The following C6orf52 variants were observed in gnomAD, a reference collection of about 807,000 sequenced individuals.
The protein encoded by C6orf52 is putative uncharacterized protein C6orf52.
Under a neutral mutation model 16.6 loss-of-function variants are expected in C6orf52, and 16 were observed. That is an observed-to-expected ratio of 0.96 (90% CI 0.65 to 1.46). The LOEUF is 1.46. Among genes scored for constraint, C6orf52 ranks in the 40% most tolerant of loss-of-function variants. The pLI, the probability that C6orf52 is intolerant of heterozygous loss-of-function variation, is 0.00. For synonymous variants in C6orf52, 53 were observed against 61.4 expected, an observed-to-expected ratio of 0.86 and a Z score of 0.64; for missense variants, 166 against 182.3, an observed-to-expected ratio of 0.91 and a Z score of 0.52.
At chr6:10,694,254 C>T (rs1769636900) in intron 1 of C6orf52, among the ~76,000 whole-genome samples, 1 of 131,122 alleles carries the variant, frequency 7.6e-6, no homozygotes, top group Non-Finnish European at 1.5e-5. Flanking sequence ...GAGCGAAACT[C>T]CGTCTCAAAA....
intron 1 of C6orf52, among the ~76,000 whole-genome samples, chr6:10,689,975 T>C (rs138594957): frequency 1.3e-5 from 2 of 152,352 alleles, no homozygotes; most frequent in South Asian, 2.1e-4. Context: ...AAAATTTTTT[T>C]TCTCTCACTT....
At chr6:10,690,755 C>T (rs375140938) in intron 1 of C6orf52, among the ~76,000 whole-genome samples, 1 of 152,164 alleles carries the variant, frequency 6.6e-6, no homozygotes, top group South Asian at 2.1e-4. Flanking sequence ...TCCTCTCGTG[C>T]TTTAGTGTTT....
chr6:10,684,282 T>C (rs1396872824), intron 3 of C6orf52, among the ~76,000 whole-genome samples: 3 of 152,176 alleles, frequency 2.0e-5, no homozygotes, highest in African/African-American at 7.2e-5. Flanking sequence ...CACTCCAGCC[T>C]GGGCAAAAGA....
chr6:10,677,989 C>T (rs940410399), intron 4 of C6orf52, among the ~76,000 whole-genome samples: 7 of 151,530 alleles, frequency 4.6e-5, no homozygotes, highest in Non-Finnish European at 8.8e-5. Context: ...ACCAGCCTGG[C>T]CAACATGGAG....
intron 3 of C6orf52, among the ~76,000 whole-genome samples, chr6:10,684,154 C>T (rs1768650952): frequency 6.6e-6 from 1 of 152,224 alleles, no homozygotes; most frequent in East Asian, 1.9e-4. Context: ...TTAGATACGG[C>T]TAAGACCGCA....
chr6:10,676,868 C>T (rs753803712), intron 4 of C6orf52, among the ~76,000 whole-genome samples: 191 of 152,314 alleles, frequency 1.3e-3, no homozygotes, highest in Middle Eastern at 3.4e-3. Context: ...TGTCCTTATT[C>T]CTCCTGGTGC....
chr6:10,680,235 G>A (rs1161530476), intron 4 of C6orf52, among the ~76,000 whole-genome samples: 2 of 152,002 alleles, frequency 1.3e-5, no homozygotes, highest in East Asian at 3.9e-4. Context: ...GGGTGACAGA[G>A]TGAGACCCTA....
intron 4 of C6orf52, among the ~76,000 whole-genome samples, chr6:10,675,516 C>T (rs1000403623): frequency 8.9e-4 from 135 of 152,286 alleles, no homozygotes; most frequent in African/African-American, 3.0e-3. Context: ...CTTTGACATA[C>T]TGATTTCATT....
chr6:10,675,137 CCTAG>C (rs1232607678), intron 4 of C6orf52, among the ~76,000 whole-genome samples: 1 of 152,076 alleles, frequency 6.6e-6, no homozygotes, highest in Non-Finnish European at 1.5e-5. Context: ...CGGTATTCCT[CCTAG>C]CTAACTGAAA....
At chr6:10,680,031 T>C (rs2127464193) in intron 4 of C6orf52, among the ~76,000 whole-genome samples, 2 of 152,336 alleles carry the variant, frequency 1.3e-5, no homozygotes, top group South Asian at 4.1e-4. Context: ...GGCAGGCAGA[T>C]CACCTGAGCT....
At chr6:10,681,726 G>C (rs1357597824) in intron 4 of C6orf52, among the ~76,000 whole-genome samples, 1 of 152,228 alleles carries the variant, frequency 6.6e-6, no homozygotes, top group Admixed American at 6.5e-5. Context: ...AGAGCTAGTA[G>C]GTAGAATCTG....
chr6:10,676,758 C>T (rs920341783), intron 4 of C6orf52, among the ~76,000 whole-genome samples: 1 of 152,182 alleles, frequency 6.6e-6, no homozygotes, highest in African/African-American at 2.4e-5. Flanking sequence ...GCCTACTTTT[C>T]CTTTTCGGAG....
Position 10,687,095 on chromosome 6 carries a change from A to AT in C6orf52, c.140dup (p.Tyr47Ter), listed in dbSNP as rs1183258946. 5.1e-5 allele frequency: 79 copies of AT among 1,551,912 alleles called. No homozygotes were observed. Among genetic ancestry groups the AT allele is most frequent in the Non-Finnish European group, 6.1e-5 (70 of 1,147,042 alleles). The change falls in exon 3 of 5, where the codon TAT (tyrosine) becomes TAAT (stop). Residue 47 changes from tyrosine to a stop codon, truncating the protein, a stop_gained and frameshift_variant. Coordinates refer to ENST00000259983, the MANE Select transcript of C6orf52 (RefSeq NM_001145020.3). LOFTEE classifies it high-confidence loss of function. The part of the protein sequence containing the change: ...PSQSYRYGNW[Y>*]ARQHGSYLLS... ...GAAGGTAAGAGCCGTGCTGTCGCGC[A>AT]TACCAGTTGCCATAGCGGTAACTCT...
intron 4 of C6orf52, among the ~76,000 whole-genome samples, chr6:10,682,916 A>C (rs1484204927): frequency 6.6e-6 from 1 of 152,218 alleles, no homozygotes; most frequent in Non-Finnish European, 1.5e-5. Context: ...CTTACAGAGG[A>C]AATGGAGCTT....
chr6:10,674,867 T>C (rs1767742903), intron 4 of C6orf52: 1 of 151,432 alleles, frequency 6.6e-6, no homozygotes, highest in East Asian at 1.9e-4. Context: ...TGGAGTGCAA[T>C]GGTGCGATCT....
intron 3 of C6orf52, among the ~76,000 whole-genome samples, chr6:10,684,131 G>T (rs1290551058): frequency 5.9e-5 from 9 of 152,158 alleles, no homozygotes; most frequent in Non-Finnish European, 8.8e-5. Context: ...AAGACAATCT[G>T]TCTTTTTTCT....
chr6:10,678,183 TAAAAAAA>T (rs377733205), intron 4 of C6orf52, among the ~76,000 whole-genome samples: 1,951 of 101,612 alleles, frequency 0.019, 56 homozygotes, highest in African/African-American at 0.07. Flanking sequence ...GAGACTGTCT[TAAAAAAA>T]AAAAAAAAAA....
At chr6:10,693,977 G>A (rs893509605) in intron 1 of C6orf52, among the ~76,000 whole-genome samples, 6 of 152,282 alleles carry the variant, frequency 3.9e-5, no homozygotes, top group African/African-American at 1.4e-4. Flanking sequence ...TGAAGGCTCT[G>A]GCCGGGCGCT....
intron 1 of C6orf52, among the ~76,000 whole-genome samples, 167 bp from the exon 2 acceptor site, chr6:10,687,728 G>A (rs781652875): frequency 6.6e-6 from 1 of 152,122 alleles, no homozygotes; most frequent in Non-Finnish European, 1.5e-5. Context: ...TCCTGACAAC[G>A]GGGCAAAGGT....
Sources: gnomAD v4.1 joint callset for allele counts (sites outside exome capture counted in the v4.1 genomes callset) on GRCh38, gnomAD v4.1.1 for gene constraint, MANE v1.5 for transcripts, NCBI Gene and HGNC (gene_info 2026-07-23, HGNC 2026-07-21) for gene names.